The following NDE1 variants were observed in gnomAD, a reference collection of about 807,000 sequenced individuals.
The protein encoded by NDE1 is nudE neurodevelopment protein 1, also known as nuclear distribution protein nudE homolog 1.
In NDE1, 28 loss-of-function variants were observed where a neutral mutation model predicts 43.4. That is an observed-to-expected ratio of 0.65 (90% CI 0.48 to 0.89). The LOEUF (loss-of-function observed/expected upper bound fraction) is 0.89. Ranked by LOEUF, NDE1 falls within the 40% of genes least tolerant of loss-of-function variation. The pLI is 0.00. For missense variants in NDE1, 441 were observed against 434.1 expected (o/e 1.02, Z -0.14); for synonymous variants, 184 against 172.0 (o/e 1.07, Z -0.55).
At chr16:15,663,289 G>T (rs182955159) in intron 1 of NDE1, among the ~76,000 whole-genome samples, 4 of 150,882 alleles carry the variant, frequency 2.7e-5, no homozygotes, top group African/African-American at 9.8e-5. Flanking sequence ...GCCCAGTCTG[G>T]AGTGCAGCGG....
At position 15,718,029 on chromosome 16, in the gene NDE1, A is replaced by G. The variant is rs2040259013; in HGVS notation, c.948-6162A>G. 18 of 521,238 alleles carry G rather than the reference A, an allele frequency of 3.5e-5. No homozygotes were observed. In the South Asian group the frequency reaches 3.8e-4, roughly 11 times the overall value. The allele number at this position is 521,238 out of a possible 1,614,324, so 32.3% of individuals were successfully genotyped here. ...TTCAGCTAGGGGAAAACGCAATGAA[A>G]GAGCATCCCAAGGCCCGGACTCCAG... On this transcript the variant is annotated intron_variant, in intron 8 of 8. Coordinates refer to ENST00000396354, the MANE Select transcript of NDE1 (RefSeq NM_017668.3).
chr16:15,687,276 T>G, intron 4 of NDE1, 99 bp from the exon 5 acceptor site: 1 of 1,602,492 alleles, frequency 6.2e-7, no homozygotes. Context: ...CTGGGACTTG[T>G]GCCCAGGTGT....
At chr16:15,699,545 G>A (rs1422519217) in intron 8 of NDE1, 1 of 1,185,198 alleles carries the variant, frequency 8.4e-7, no homozygotes. Context: ...CGTTTTGTGT[G>A]ACCTTGGAAT....
upstream of NDE1, among the ~76,000 whole-genome samples, chr16:15,648,825 T>A (rs2036385569): frequency 6.6e-6 from 1 of 151,804 alleles, no homozygotes; most frequent in Admixed American, 6.6e-5. Context: ...AAAAAAATTA[T>A]TTTTTAATTT....
chr16:15,643,740 A>G lies in NDE1; in HGVS notation c.-353A>G, dbSNP rs138559781. The G allele has an allele frequency of 7.1e-3, 1,529 of 214,940 alleles. 18 individuals are homozygous for G. Among genetic ancestry groups the G allele is most frequent in the Middle Eastern group, 0.023 (12 of 520 alleles). The allele number at this position is 214,940 out of a possible 1,614,324, so 13.3% of individuals were successfully genotyped here. A position where few individuals can be genotyped will look rare whatever the true frequency, so the allele number is the denominator to read the frequency against. On this transcript the variant is annotated 5_prime_UTR_variant, in exon 1 of 10. Transcript: ENST00000396355. ...ACGAGGTCCCCCGGAGTTCTCGCAA[A>G]GTTGCGACCCAGTTGGCAAAAATAC...
chr16:15,694,976 GC>G, intron 7 of NDE1: 3 of 922,498 alleles, frequency 3.3e-6, no homozygotes, highest in Non-Finnish European at 3.9e-6. Context: ...TCTGACACCA[GC>G]CCGGGCAACA....
chr16:15,705,608 G>A (rs1237565885), intron 8 of NDE1, among the ~76,000 whole-genome samples: 1 of 152,160 alleles, frequency 6.6e-6, no homozygotes, highest in East Asian at 1.9e-4. Context: ...AAAGAAGAGA[G>A]CAGACTTTTG....
intron 8 of NDE1, chr16:15,703,170 T>C (rs1407581586): frequency 1.0e-5 from 2 of 194,674 alleles, no homozygotes; most frequent in African/African-American, 2.3e-5. Flanking sequence ...GAAAGTGTTT[T>C]TAAGCACAGT....
chr16:15,668,721 G>T (rs1048935850), intron 3 of NDE1, among the ~76,000 whole-genome samples: 1 of 152,186 alleles, frequency 6.6e-6, no homozygotes, highest in Non-Finnish European at 1.5e-5. Flanking sequence ...TAGGAGCCAC[G>T]TGTGGCCAGT....
At position 15,720,220 on chromosome 16, in the gene NDE1, G is replaced by A. The variant is rs780786328; in HGVS notation, c.948-3971G>A. 35 of 1,614,000 alleles carry A rather than the reference G, an allele frequency of 2.2e-5. No individual in the cohort carries two copies. Among genetic ancestry groups the A allele is most frequent in the Non-Finnish European group, 2.6e-5 (31 of 1,180,042 alleles). ...TGGCAGAGTCGGCCTGAAGCTCCAG[G>A]TCTTTCAGGTCCCCTTCCAGCTTCT... On this transcript the variant is annotated intron_variant, in intron 8 of 8. Coordinates refer to ENST00000396354, the MANE Select transcript of NDE1 (RefSeq NM_017668.3).
intron 8 of NDE1, among the ~76,000 whole-genome samples, chr16:15,708,169 A>G (rs931672286): frequency 1.3e-5 from 2 of 152,102 alleles, no homozygotes; most frequent in African/African-American, 4.8e-5. Flanking sequence ...CTGAAAATGC[A>G]GTTTGTAGCT....
intron 1 of NDE1, among the ~76,000 whole-genome samples, chr16:15,644,346 A>G (rs2036253331): frequency 6.6e-6 from 1 of 152,232 alleles, no homozygotes; most frequent in Non-Finnish European, 1.5e-5. Flanking sequence ...CCCTGTAAAC[A>G]TCCCTGTAGA....
At chr16:15,714,753 C>G (rs548303418) in intron 8 of NDE1, 186 of 985,342 alleles carry the variant, frequency 1.9e-4, no homozygotes, top group Non-Finnish European at 2.7e-4. Context: ...GCCTGGCCCA[C>G]ACTAAGCTTA....
Position 15,719,629 on chromosome 16 carries a change from TCTC to T in NDE1, c.948-4561_948-4559del. The T allele has an allele frequency of 3.7e-6, 6 of 1,614,180 alleles. No individual in the cohort carries two copies. Among genetic ancestry groups the T allele is most frequent in the South Asian group, 1.1e-5 (1 of 91,086 alleles). On this transcript the variant is annotated intron_variant, in intron 8 of 8. Transcript: ENST00000396354. ...TCTGCTTCCAAGCTCTTGGCTTTCT[TCTC>T]ATTCTCTTTGGCTGTGGCAAAGATC...
At chr16:15,652,704 C>T (rs981889199) in intron 1 of NDE1, among the ~76,000 whole-genome samples, 3 of 152,144 alleles carry the variant, frequency 2.0e-5, no homozygotes, top group Non-Finnish European at 4.4e-5. Context: ...CACTCTGTCG[C>T]CCAAGCTGGA....
chr16:15,687,239 A>G (rs765817962), intron 4 of NDE1, 136 bp from the exon 5 acceptor site: 1 of 1,568,390 alleles, frequency 6.4e-7, no homozygotes, highest in Non-Finnish European at 8.6e-7. Flanking sequence ...GACTTGGCCC[A>G]CTCTGTGGCA....
intron 1 of NDE1, chr16:15,651,933 G>T (rs778166086): frequency 6.6e-6 from 1 of 151,408 alleles, no homozygotes; most frequent in African/African-American, 2.4e-5. Context: ...ATTTTGAGAC[G>T]GAGTCTTGTT....
intron 6 of NDE1, among the ~76,000 whole-genome samples, chr16:15,692,968 G>A (rs2038825561): frequency 6.6e-6 from 1 of 151,180 alleles, no homozygotes; most frequent in African/African-American, 2.4e-5. Flanking sequence ...CTCAGATCAA[G>A]TGGGTCTTGG....
At chr16:15,702,728 G>C (rs142818276) in intron 8 of NDE1, among the ~76,000 whole-genome samples, 72 of 152,240 alleles carry the variant, frequency 4.7e-4, no homozygotes, top group Non-Finnish European at 8.7e-4. Context: ...TTTGTGGAAA[G>C]TGTTTGCTGA....
Sources: allele counts gnomAD v4.1 joint callset (sites outside exome capture counted in the v4.1 genomes callset), GRCh38; gene constraint gnomAD v4.1.1; transcripts MANE v1.5; gene names NCBI Gene and HGNC (gene_info 2026-07-23, HGNC 2026-07-21).